The following FHAD1 variants were observed in gnomAD, a reference collection of about 807,000 sequenced individuals.
FHAD1 encodes the protein forkhead-associated domain-containing protein 1.
A neutral mutation model predicts 191.3 loss-of-function variants in FHAD1; 146 were observed. That is an observed-to-expected ratio of 0.76 (90% confidence interval 0.67 to 0.88). FHAD1 has a LOEUF of 0.88. FHAD1 is among the 40% of genes least tolerant of loss of function. The pLI is 0.00. For missense variants in FHAD1, 1,635 were observed against 1,785.8 expected (o/e 0.92, Z 1.52); for synonymous variants, 616 against 672.3 (o/e 0.92, Z 1.29).
Position 15,316,566 on chromosome 1 carries a change from C to G in FHAD1, c.1260+99C>G, listed in dbSNP as rs555002092. On this transcript the variant is annotated intron_variant, in intron 9 of 33. Coordinates refer to ENST00000688493, the MANE Select transcript of FHAD1 (RefSeq NM_001391957.1). The surrounding 1 kb of genome is among the most constrained non-coding windows in gnomAD (Gnocchi z 4.3). The stretch of plus-strand genomic sequence containing the variant: ...CTGGGCCATCACTAAGCATGAAGCT[C>G]TGGGGCTCTGTGCTTGCTTGTTTAA... 4.0e-4 allele frequency: 381 copies of G among 953,390 alleles called. 1 individual carries two copies. The highest frequency in any genetic ancestry group is 5.6e-4 in the Non-Finnish European group (344 of 619,242). The allele number at this position is 953,390 out of a possible 1,614,324, so 59.1% of individuals were successfully genotyped here.
At chr1:15,315,985 G>A (rs1478862580) in intron 8 of FHAD1, among the ~76,000 whole-genome samples, 2 of 152,252 alleles carry the variant, frequency 1.3e-5, no homozygotes, top group East Asian at 1.9e-4. Flanking sequence ...TTTCACCGCC[G>A]CTCCCAGGGC....
intron 29 of FHAD1, 76 bp downstream of exon 29, chr1:15,380,872 T>G (rs1319705204): frequency 9.5e-7 from 1 of 1,048,262 alleles, no homozygotes; most frequent in African/African-American, 1.6e-5. Flanking sequence ...CGCAGGATAG[T>G]TTAAATATCA....
intron 26 of FHAD1, among the ~76,000 whole-genome samples, chr1:15,369,962 A>G (rs1043882468): frequency 9.2e-5 from 14 of 152,088 alleles, no homozygotes; most frequent in Non-Finnish European, 1.6e-4. Flanking sequence ...ACCCATACAT[A>G]TATTTATTTA....
Position 15,251,847 on chromosome 1 carries a change from A to C in FHAD1, c.63A>C (p.Gly21=). 6.4e-7 allele frequency: 1 copy of C among 1,552,404 alleles called. No homozygotes were observed. The highest frequency in any genetic ancestry group is 2.4e-5 in the East Asian group (1 of 40,924). Residue 21 remains glycine (G), a synonymous_variant, in exon 2 of 34, where the codon GGA becomes GGC. Transcript: ENST00000688493. ...TCCTAAATAAAAGTACCACAATTGG[A>C]AGGCATGAAAATTCAGACCTTGTTT... ...FFVLNKSTTI[G]RHENSDLVLQ...
At chr1:15,263,695 G>T (rs150912786) in intron 2 of FHAD1, among the ~76,000 whole-genome samples, 1,899 of 151,772 alleles carry the variant, frequency 0.013, 44 homozygotes, top group African/African-American at 0.044. Context: ...CTAATTTTTT[G>T]TATTTTTAGT....
rs561380221 is a variant in FHAD1 at position 15,317,873 on chromosome 1, G to A, written c.1310G>A (p.Arg437Lys). 4 of 1,551,646 alleles carry A rather than the reference G, an allele frequency of 2.6e-6. No homozygotes were observed. Among genetic ancestry groups the A allele is most frequent in the Non-Finnish European group, 3.5e-6 (4 of 1,147,010 alleles). ...KEMKKLRAEL[R>K]KSCTEQSVIS... ...ATGAAGAAGCTTAGGGCAGAGCTGA[G>A]GAAGAGTTGTACTGAACAAAGCGTG... Residue 437 changes from arginine (R) to lysine (K), a missense_variant, in exon 10 of 34, where the codon AGG becomes AAG. By Grantham distance (26) the Arg-to-Lys change is conservative. Coordinates refer to ENST00000688493, the MANE Select transcript of FHAD1 (RefSeq NM_001391957.1).
intron 20 of FHAD1, 124 bp from the exon 21 acceptor site, chr1:15,357,986 T>TA: frequency 1.4e-6 from 1 of 692,164 alleles, no homozygotes; most frequent in Non-Finnish European, 2.3e-6. Flanking sequence ...CTTTGTGCTT[T>TA]AAAAGAATCG....
intron 33 of FHAD1, among the ~76,000 whole-genome samples, chr1:15,394,859 G>A (rs1024300257): frequency 5.9e-5 from 9 of 152,286 alleles, no homozygotes; most frequent in African/African-American, 1.9e-4. Context: ...AGTTGGCAAG[G>A]TAAATCCTGT....
chr1:15,331,225 G>A (rs1225385689), intron 14 of FHAD1, among the ~76,000 whole-genome samples: 5 of 152,064 alleles, frequency 3.3e-5, no homozygotes, highest in Non-Finnish European at 5.9e-5. Context: ...ATGCCCAAGA[G>A]ACAGCTGTTT....
intron 33 of FHAD1, among the ~76,000 whole-genome samples, chr1:15,392,066 G>A (rs1704202251): frequency 1.3e-5 from 2 of 152,218 alleles, no homozygotes; most frequent in South Asian, 4.1e-4. Flanking sequence ...TCTTAGATGT[G>A]AAGCTCCCTG....
chr1:15,336,168 C>G lies in FHAD1; in HGVS notation c.1907-3313C>G, dbSNP rs147841617. 3.5e-3 allele frequency among the ~76,000 whole-genome samples: 540 copies of G among 152,332 alleles called. 4 individuals carry two copies. Among genetic ancestry groups the G allele is most frequent in the African/African-American group, 0.011 (474 of 41,568 alleles). ...GTCTGAATTCTGATTCTAACACTTA[C>G]CAGCTCTGTAGCTTAACCTTGGGGA... is the stretch of plus-strand genomic sequence containing the variant. On this transcript the variant is annotated intron_variant, in intron 14 of 33. Transcript: ENST00000688493.
At chr1:15,237,315 G>T (rs1644887485) in intron 1 of FHAD1, among the ~76,000 whole-genome samples, 1 of 152,160 alleles carries the variant, frequency 6.6e-6, no homozygotes, top group South Asian at 2.1e-4. Flanking sequence ...ACCTGGCCCT[G>T]CCTCCCTCTG....
At chr1:15,332,789 T>G (rs1401657064) in intron 14 of FHAD1, among the ~76,000 whole-genome samples, 1 of 152,194 alleles carries the variant, frequency 6.6e-6, no homozygotes, top group Non-Finnish European at 1.5e-5. Context: ...AAAGACTGAT[T>G]TTAGGCAAGC....
chr1:15,366,305 A>G (rs1362462990), intron 24 of FHAD1, among the ~76,000 whole-genome samples: 1 of 151,544 alleles, frequency 6.6e-6, no homozygotes, highest in African/African-American at 2.4e-5. Context: ...AAAAAAAAAA[A>G]AAAAGAGTTG....
At chr1:15,269,915 C>CTTTTTTT (rs144971337) in intron 2 of FHAD1, among the ~76,000 whole-genome samples, 1 of 123,088 alleles carries the variant, frequency 8.1e-6, no homozygotes, top group Non-Finnish European at 1.7e-5. Flanking sequence ...TTATGGCTCT[C>CTTTTTTT]TTTTTTTTTT....
At chr1:15,239,108 A>G (rs1047430222) in intron 1 of FHAD1, among the ~76,000 whole-genome samples, 16 of 152,074 alleles carry the variant, frequency 1.1e-4, no homozygotes, top group African/African-American at 3.9e-4. Context: ...AGGTCTGTCT[A>G]TGTTGCCTAT....
upstream of FHAD1, among the ~76,000 whole-genome samples, chr1:15,245,443 T>C (rs1422405116): frequency 6.6e-5 from 10 of 152,222 alleles, no homozygotes; most frequent in Admixed American, 6.5e-4. Flanking sequence ...AAAAAACCAA[T>C]TTTAGAAAAG....
intron 8 of FHAD1, chr1:15,314,671 T>TGTTGG (rs1346753954): frequency 0.1 from 7 of 70 alleles, no homozygotes; most frequent in Admixed American, 0.5. Context: ...GGTGTGGGGG[T>TGTTGG]GAATGGGTGT....
chr1:15,293,168 G>A (rs1256025164), intron 4 of FHAD1, among the ~76,000 whole-genome samples: 3 of 152,120 alleles, frequency 2.0e-5, no homozygotes, highest in Non-Finnish European at 2.9e-5. Context: ...TTTGACAATT[G>A]TATACACTTG....
Sources: gnomAD v4.1 joint callset for allele counts (sites outside exome capture counted in the v4.1 genomes callset) on GRCh38, gnomAD v4.1.1 for gene constraint, Gnocchi (gnomAD v3.1) non-coding constraint, MANE v1.5 for transcripts, NCBI Gene and HGNC (gene_info 2026-07-23, HGNC 2026-07-21) for gene names.